DLG2: variants seen among roughly 807,000 people sequenced by gnomAD.
The protein encoded by DLG2 is discs large MAGUK scaffold protein 2.
A neutral mutation model predicts 132.5 loss-of-function variants in DLG2; 45 were observed. The observed-to-expected ratio is 0.34, with a 90% CI of 0.27 to 0.44. The LOEUF (loss-of-function observed/expected upper bound fraction) is 0.44. Ranked by LOEUF, DLG2 falls within the 20% of genes least tolerant of loss-of-function variation. DLG2 has a pLI of 1.00. For synonymous variants in DLG2, 424 were observed against 419.6 expected, an observed-to-expected ratio of 1.01 and a Z score of -0.13; for missense variants, 1,045 against 1,196.9, an observed-to-expected ratio of 0.87 and a Z score of 1.87.
chr11:83,518,907 G>A (rs1033066279), intron 21 of DLG2, among the ~76,000 whole-genome samples: 19 of 152,188 alleles, frequency 1.2e-4, no homozygotes, highest in African/African-American at 3.6e-4. Context: ...CAAATTCAGT[G>A]TGGGAGGGGG....
intron 12 of DLG2, among the ~76,000 whole-genome samples, chr11:83,971,107 T>C (rs539641723): frequency 4.5e-4 from 68 of 152,312 alleles, no homozygotes; most frequent in African/African-American, 1.5e-3. Context: ...TCATTGTTTG[T>C]CATTGTCTTT....
intron 6 of DLG2, among the ~76,000 whole-genome samples, chr11:85,094,611 T>A (rs2069414839): frequency 6.6e-6 from 1 of 152,206 alleles, no homozygotes; most frequent in African/African-American, 2.4e-5. Context: ...AGCTTGCAAC[T>A]TTTCCTCTTG....
chr11:83,591,408 A>T (rs1405840784), intron 19 of DLG2, among the ~76,000 whole-genome samples: 2 of 99,210 alleles, frequency 2.0e-5, no homozygotes, highest in Non-Finnish European at 4.0e-5. Context: ...TTATCTCAAT[A>T]GATGCAGAAA....
rs377448939 is a variant in DLG2, at chr11:83,580,975, T to A, written c.1941-39117A>T. ...TTCCTCCCTACATTCTTCTCTCTCA[T>A]CCTTCTTTCATTTTGGCAATCTTTC... is the stretch of plus-strand genomic sequence containing the variant. On this transcript the variant is annotated intron_variant, in intron 19 of 27. Coordinates refer to ENST00000376104, the MANE Select transcript of DLG2 (RefSeq NM_001142699.3). 1.5e-4 allele frequency among the ~76,000 whole-genome samples: 22 copies of A among 142,558 alleles called. No individual in the cohort carries two copies. In the East Asian group the frequency reaches 5.0e-3, roughly 32 times the overall value. 93.5% of individuals were successfully genotyped at this position (142,558 alleles called of 152,430 possible).
At chr11:83,498,873 A>G (rs2094299607) in intron 21 of DLG2, among the ~76,000 whole-genome samples, 2 of 151,960 alleles carry the variant, frequency 1.3e-5, no homozygotes, top group Admixed American at 1.3e-4. Flanking sequence ...ATAAAAGAAG[A>G]GATATTATTA....
chr11:85,225,613 C>T (rs11234323), intron 4 of DLG2, among the ~76,000 whole-genome samples: 19,924 of 152,058 alleles, frequency 0.13, 1,795 homozygotes, highest in Non-Finnish European at 0.2. Flanking sequence ...CTGACTTCTG[C>T]CCTCCATACT....
At chr11:85,399,706 G>T (rs2087837849) in intron 3 of DLG2, among the ~76,000 whole-genome samples, 1 of 152,160 alleles carries the variant, frequency 6.6e-6, no homozygotes, top group East Asian at 1.9e-4. Context: ...AATAAATGGT[G>T]CTGGGAAAAC....
chr11:85,588,099 C>A (rs1043819963), intron 3 of DLG2, among the ~76,000 whole-genome samples: 4 of 152,154 alleles, frequency 2.6e-5, no homozygotes, highest in African/African-American at 9.7e-5. Context: ...TTATAGGTTA[C>A]CTGATGCTTT....
intron 20 of DLG2, among the ~76,000 whole-genome samples, chr11:83,540,550 T>A (rs1007588576): frequency 6.6e-6 from 1 of 152,128 alleles, no homozygotes; most frequent in African/African-American, 2.4e-5. Flanking sequence ...GCTTTCCATG[T>A]CCCATTCTTT....
chr11:84,591,898 G>A (rs2099544237), intron 6 of DLG2, among the ~76,000 whole-genome samples: 3 of 152,014 alleles, frequency 2.0e-5, no homozygotes, highest in African/African-American at 7.2e-5. Context: ...CTGTCACCCA[G>A]GCTAGAGTGC....
chr11:84,455,036 T>C (rs2099061706), intron 7 of DLG2, among the ~76,000 whole-genome samples: 1 of 151,478 alleles, frequency 6.6e-6, no homozygotes, highest in Admixed American at 6.6e-5. Context: ...CGTTTTGCTT[T>C]CTTAAAAAGG....
At chr11:84,576,824 C>T (rs2099501308) in intron 6 of DLG2, among the ~76,000 whole-genome samples, 1 of 152,150 alleles carries the variant, frequency 6.6e-6, no homozygotes, top group Non-Finnish European at 1.5e-5. Flanking sequence ...ATATTAAAAA[C>T]TGTTATAGCT....
intron 6 of DLG2, among the ~76,000 whole-genome samples, chr11:84,993,548 T>C (rs181193945): frequency 1.2e-4 from 19 of 152,300 alleles, no homozygotes; most frequent in Admixed American, 8.5e-4. Flanking sequence ...TGTTTACTTA[T>C]ATGGGCTTAA....
intron 3 of DLG2, chr11:85,452,963 G>GA (rs1285241237): frequency 4.8e-5 from 10 of 208,324 alleles, no homozygotes; most frequent in African/African-American, 2.1e-4. Flanking sequence ...AGATGGCTCA[G>GA]ATTCAAGTAC....
chr11:84,375,090 T>C (rs2098723580), intron 7 of DLG2, among the ~76,000 whole-genome samples: 1 of 152,106 alleles, frequency 6.6e-6, no homozygotes, highest in South Asian at 2.1e-4. Context: ...TAAAAAGCTG[T>C]CTCCAAAGCA....
chr11:85,518,032 GGA>G (rs2094203417), intron 3 of DLG2, among the ~76,000 whole-genome samples: 3 of 152,164 alleles, frequency 2.0e-5, no homozygotes, highest in Non-Finnish European at 4.4e-5. Context: ...CCAGCCATGT[GGA>G]ACTGTAAGTC....
chr11:85,021,452 C>T (rs2060056011), intron 6 of DLG2: 1 of 1,413,056 alleles, frequency 7.1e-7, no homozygotes, highest in Admixed American at 1.7e-5. Flanking sequence ...TCCTCTCCTG[C>T]TACAGCAGCC....
In DLG2 at chr11:85,158,562, T is replaced by C. The variant is rs138116691; in HGVS notation, c.187-3911A>G. On this transcript the variant is annotated intron_variant, in intron 4 of 27. Coordinates refer to ENST00000376104, the MANE Select transcript of DLG2 (RefSeq NM_001142699.3). ...ATTTGTGAGGGCAGCACCTGCATCT[T>C]TGAAGGGCCCTGTAATTGTTCTACT... Among the ~76,000 whole-genome samples the C allele has an allele frequency of 2.9e-3, 444 of 152,276 alleles. 3 individuals are homozygous for C. Among genetic ancestry groups the C allele is most frequent in the African/African-American group, 0.01 (429 of 41,566 alleles).
At chr11:84,616,348 T>C (rs2099604437) in intron 6 of DLG2, among the ~76,000 whole-genome samples, 1 of 152,138 alleles carries the variant, frequency 6.6e-6, no homozygotes, top group Non-Finnish European at 1.5e-5. Context: ...TACAATGAAA[T>C]ATTATTTCAG....
Sources: allele counts gnomAD v4.1 joint callset (sites outside exome capture counted in the v4.1 genomes callset), GRCh38; gene constraint gnomAD v4.1.1; transcripts MANE v1.5; gene names NCBI Gene and HGNC (gene_info 2026-07-23, HGNC 2026-07-21).